Variants in OR51E2 observed in about 807,000 individuals in gnomAD.
OR51E2 encodes olfactory receptor family 51 subfamily E member 2, also known as olfactory receptor 51E2.
A neutral mutation model predicts 13.7 loss-of-function variants in OR51E2; 14 were observed. That is an observed-to-expected ratio of 1.02 (90% CI 0.68 to 1.60). OR51E2 has a LOEUF of 1.60. Ranked by LOEUF, OR51E2 falls within the 40% of genes most tolerant of loss-of-function variation. The pLI is 0.00. For synonymous variants in OR51E2, 180 were observed against 157.6 expected (o/e 1.14, Z -1.07); for missense variants, 483 against 413.8 (o/e 1.17, Z -1.45).
intron 1 of OR51E2, among the ~76,000 whole-genome samples, chr11:4,692,953 A>G (rs1369645274): frequency 6.6e-6 from 1 of 152,170 alleles, no homozygotes; most frequent in East Asian, 1.9e-4. Context: ...AAATAATGAA[A>G]CTATAGCTTT....
rs751306932 is a variant in OR51E2 at position 4,682,437 on chromosome 11, C to G, written c.275G>C (p.Ser92Thr). 2.5e-5 allele frequency: 41 copies of G among 1,614,046 alleles called. 1 individual carries two copies. In the East Asian group the frequency reaches 8.5e-4, roughly 33 times the overall value. Residue 92 changes from serine to threonine, a missense_variant, in exon 2 of 2, where the codon AGC becomes ACC. Physicochemically the swap from Ser to Thr is moderately conservative, Grantham distance 58. Coordinates refer to ENST00000396950, the MANE Select transcript of OR51E2 (RefSeq NM_030774.4). ...ALFWFDSREISFEACLTQMFF... is the reference protein window; with the variant it reads ...ALFWFDSREITFEACLTQMFF... ...CATCTGGGTAAGACAGGCCTCAAAG[C>G]TAATCTCTCGGGAATCAAACCAGAA...
At position 4,681,608 on chromosome 11, in the gene OR51E2, G is replaced by GTAT; in HGVS notation, c.*140_*141insATA. The GTAT allele has an allele frequency of 1.2e-6, 1 of 832,902 alleles. No individual in the cohort carries two copies. The highest frequency in any genetic ancestry group is 2.6e-5 in the East Asian group (1 of 38,688). 51.6% of individuals were successfully genotyped at this position (832,902 alleles called of 1,614,324 possible). A position where few individuals can be genotyped will look rare whatever the true frequency, so the allele number is the denominator to read the frequency against. On this transcript the variant is annotated 3_prime_UTR_variant, in exon 2 of 2. Coordinates refer to ENST00000396950, the MANE Select transcript of OR51E2 (RefSeq NM_030774.4). Reference sequence around the variant, plus strand: ...TATTATTCCACATAATAGTCCTTTAGGTAGATGTACCATACTTTAGTTTAC... The same window carrying GTAT: ...TATTATTCCACATAATAGTCCTTTAGTATGTAGATGTACCATACTTTAGTTTAC...
At position 4,682,697 on chromosome 11, in the gene OR51E2, G is replaced by T. The variant is rs1047583701; in HGVS notation, c.15C>A (p.Asn5Lys). 2 of 1,613,646 alleles carry T rather than the reference G, an allele frequency of 1.2e-6. No individual in the cohort carries two copies. Residue 5 changes from asparagine (N) to lysine (K), a missense_variant, in exon 2 of 2, where the codon AAC becomes AAA. By Grantham distance (94) the Asn-to-Lys change is moderately conservative. Transcript: ENST00000396950. Reference protein sequence around the residue: MSSCNFTHATFVLIG... With the variant: MSSCKFTHATFVLIG... ...TAAGCACAAAGGTGGCATGTGTGAA[G>T]TTGCAGGAACTCATAGCTGGAACTG...
chr11:4,692,983 A>G (rs1847605354), intron 1 of OR51E2, among the ~76,000 whole-genome samples: 1 of 152,208 alleles, frequency 6.6e-6, no homozygotes, highest in Non-Finnish European at 1.5e-5. Context: ...AATTTACAGT[A>G]ATGACAGTGT....
At chr11:4,694,609 G>A (rs12271104) in intron 1 of OR51E2, among the ~76,000 whole-genome samples, 3,817 of 150,748 alleles carry the variant, frequency 0.025, 180 homozygotes, top group African/African-American at 0.088. Context: ...CATATGCAGG[G>A]AGCTGAGCTT....
In OR51E2 at chr11:4,682,777, G is replaced by C; in HGVS notation, c.-50-16C>G. ...CACTGGCAGTCTGCAGGGACATAGA[G>C]CACAATCAGAGAATGCCCTGGAAAC... On this transcript the variant is annotated splice_polypyrimidine_tract_variant and intron_variant, in intron 1 of 1. Transcript: ENST00000396950. The C allele has an allele frequency of 1.3e-6, 2 of 1,541,188 alleles. No homozygotes were observed. The highest frequency in any genetic ancestry group is 1.8e-6 in the Non-Finnish European group (2 of 1,138,234).
intron 1 of OR51E2, chr11:4,685,760 T>C (rs921889635): frequency 2.0e-5 from 3 of 152,034 alleles, no homozygotes; most frequent in African/African-American, 7.3e-5. Context: ...ATAAGCAAAA[T>C]AGATAAAAAA....
intron 1 of OR51E2, among the ~76,000 whole-genome samples, chr11:4,687,684 C>A (rs1043029873): frequency 6.6e-6 from 1 of 152,154 alleles, no homozygotes; most frequent in Non-Finnish European, 1.5e-5. Flanking sequence ...AGTGAACAGA[C>A]CCAGTGCCTG....
intron 1 of OR51E2, among the ~76,000 whole-genome samples, chr11:4,684,219 T>A (rs533580529): frequency 1.3e-5 from 2 of 152,332 alleles, no homozygotes; most frequent in South Asian, 4.1e-4. Context: ...CTTCAGAACT[T>A]GTGCAGACAA....
At chr11:4,688,224 A>G (rs1270621738) in intron 1 of OR51E2, among the ~76,000 whole-genome samples, 3 of 152,184 alleles carry the variant, frequency 2.0e-5, no homozygotes, top group Non-Finnish European at 1.5e-5. Context: ...GATGAGAGTG[A>G]ATTCAGGAGG....
intron 1 of OR51E2, among the ~76,000 whole-genome samples, chr11:4,695,547 C>T (rs906956451): frequency 2.0e-5 from 3 of 152,160 alleles, no homozygotes; most frequent in Admixed American, 6.5e-5. Flanking sequence ...CTTTGGAGAA[C>T]AGTCTGCTTT....
At chr11:4,692,248 C>A in intron 1 of OR51E2, 1 of 383,732 alleles carries the variant, frequency 2.6e-6, no homozygotes, top group Non-Finnish European at 5.2e-6. Context: ...CAAAGTAACA[C>A]ATAGGAAGTG....
Position 4,682,561 on chromosome 11 carries a change from C to G in OR51E2, c.151G>C (p.Glu51Gln), listed in dbSNP as rs1156414900. Residue 51 changes from glutamate to glutamine, a missense_variant, in exon 2 of 2, where the codon GAA becomes CAA. Coordinates refer to ENST00000396950, the MANE Select transcript of OR51E2 (RefSeq NM_030774.4). ...NCIVVFIVRT[E>Q]RSLHAPMYLF... ...TACATCGGAGCGTGCAGGCTGCGTT[C>G]CGTCCTTACGATGAAGACCACGATG... The G allele has an allele frequency of 2.5e-6, 4 of 1,613,860 alleles. No homozygotes were observed. Among genetic ancestry groups the G allele is most frequent in the Non-Finnish European group, 3.4e-6 (4 of 1,179,938 alleles).
At position 4,697,710 on chromosome 11, in the gene OR51E2, G is replaced by T. The variant is rs1363158203; in HGVS notation, c.-108C>A. 1 of 152,646 alleles carries T rather than the reference G, an allele frequency of 6.6e-6. No individual in the cohort carries two copies. Among genetic ancestry groups the T allele is most frequent in the African/African-American group, 2.4e-5 (1 of 41,442 alleles). The allele number at this position is 152,646 out of a possible 1,614,324, so 9.5% of individuals were successfully genotyped here. On this transcript the variant is annotated 5_prime_UTR_variant, in exon 1 of 2. Coordinates refer to ENST00000396950, the MANE Select transcript of OR51E2 (RefSeq NM_030774.4). Reference sequence around the variant, plus strand: ...CAGGCTGACTCAGAAGGCTGAGGAGGCTTTAGATTCCAGGGGAGGGCCGAG... The same window carrying T: ...CAGGCTGACTCAGAAGGCTGAGGAGTCTTTAGATTCCAGGGGAGGGCCGAG...
chr11:4,691,568 G>C (rs776082569), intron 1 of OR51E2: 5 of 456,946 alleles, frequency 1.1e-5, no homozygotes, highest in Non-Finnish European at 2.2e-5. Context: ...AGAGGATCAG[G>C]CTGTTTCCCA....
chr11:4,686,605 A>G (rs923620510), intron 1 of OR51E2, among the ~76,000 whole-genome samples: 17 of 152,220 alleles, frequency 1.1e-4, no homozygotes, highest in African/African-American at 3.9e-4. Context: ...CAGGAACTTA[A>G]GATACATAGC....
intron 1 of OR51E2, among the ~76,000 whole-genome samples, chr11:4,695,824 T>C (rs1363694658): frequency 6.6e-6 from 1 of 152,140 alleles, no homozygotes; most frequent in Non-Finnish European, 1.5e-5. Flanking sequence ...CTCTGCCTTA[T>C]AAATTGTGGG....
Position 4,682,271 on chromosome 11 carries a change from A to T in OR51E2, c.441T>A (p.Ala147=), listed in dbSNP as rs778750759. 1.9e-6 allele frequency: 3 copies of T among 1,614,212 alleles called. No individual in the cohort carries two copies. In the East Asian group the frequency reaches 6.7e-5, roughly 36 times the overall value. The change falls in exon 2 of 2, where the codon GCT becomes GCA. Residue 147 remains alanine, a synonymous_variant. Coordinates refer to ENST00000396950, the MANE Select transcript of OR51E2 (RefSeq NM_030774.4). Reference sequence around the variant, plus strand: ...AAAAAAAGAGGGATCCGCGGACCACAGCCACGATGCCAATCTGGGCTGTTA... The same window carrying T: ...AAAAAAAGAGGGATCCGCGGACCACTGCCACGATGCCAATCTGGGCTGTTA... ...NTVTAQIGIV[A]VVRGSLFFFP...
chr11:4,685,440 T>C (rs1847504168), intron 1 of OR51E2, among the ~76,000 whole-genome samples: 1 of 152,230 alleles, frequency 6.6e-6, no homozygotes. Context: ...ACATCATATG[T>C]GACTAGGCAT....
Sources: allele counts gnomAD v4.1 joint callset (sites outside exome capture counted in the v4.1 genomes callset), GRCh38; gene constraint gnomAD v4.1.1; transcripts MANE v1.5; gene names NCBI Gene and HGNC (gene_info 2026-07-23, HGNC 2026-07-21).